CPED1: variants seen among roughly 807,000 people sequenced by gnomAD.
CPED1 encodes cadherin-like and PC-esterase domain-containing protein 1.
A neutral mutation model predicts 128.2 loss-of-function variants in CPED1; 114 were observed. The ratio of observed to expected loss-of-function variants is 0.89; its 90% CI spans 0.76 to 1.04. CPED1 has a LOEUF of 1.04. CPED1 is among the 50% of genes least tolerant of loss of function. CPED1 has a pLI of 0.00. For synonymous variants in CPED1, 462 were observed against 426.7 expected (o/e 1.08, Z -1.02); for missense variants, 1,211 against 1,207.1 (o/e 1.00, Z -0.05).
intron 16 of CPED1, among the ~76,000 whole-genome samples, chr7:121,210,981 A>G (rs1212344639): frequency 1.6e-5 from 2 of 123,206 alleles, no homozygotes; most frequent in African/African-American, 3.1e-5. Context: ...ATTAAAACAC[A>G]TAATAAAGAA....
rs150303195 is a variant in CPED1, at chr7:121,125,059, G to A, written c.1061+586G>A. 2.7e-3 allele frequency among the ~76,000 whole-genome samples: 415 copies of A among 152,092 alleles called. 10 individuals carry two copies. Among genetic ancestry groups the A allele is most frequent in the Admixed American group, 0.025 (375 of 15,246 alleles). On this transcript the variant is annotated intron_variant, in intron 8 of 22. Transcript: ENST00000310396. ...TAGGAGTAGGAGAGTTTTCTTCTTCGTATTTAGGTTTCCATGGATTAACTT... is the reference window on the plus strand; with the variant it reads ...TAGGAGTAGGAGAGTTTTCTTCTTCATATTTAGGTTTCCATGGATTAACTT...
At chr7:121,267,719 A>G (rs759569073) in intron 21 of CPED1, among the ~76,000 whole-genome samples, 8 of 152,046 alleles carry the variant, frequency 5.3e-5, no homozygotes, top group Non-Finnish European at 1.2e-4. Context: ...AGCACTAAAT[A>G]GAAGTCTCAG....
chr7:121,214,867 C>T (rs1194836713), intron 16 of CPED1, among the ~76,000 whole-genome samples: 1 of 151,966 alleles, frequency 6.6e-6, no homozygotes, highest in African/African-American at 2.4e-5. Flanking sequence ...AGCATGTGAT[C>T]AGTGAGTAAT....
At chr7:120,993,045 C>A (rs1391627154) in intron 2 of CPED1, among the ~76,000 whole-genome samples, 2 of 152,170 alleles carry the variant, frequency 1.3e-5, no homozygotes, top group Non-Finnish European at 2.9e-5. Flanking sequence ...AAGGGCTTGG[C>A]TAAGCAGATG....
chr7:121,199,025 C>G (rs1797329578), intron 16 of CPED1, among the ~76,000 whole-genome samples: 1 of 152,174 alleles, frequency 6.6e-6, no homozygotes, highest in South Asian at 2.1e-4. Flanking sequence ...AATAACTCTA[C>G]AGTCTATGAG....
At chr7:121,212,869 T>C (rs1797678094) in intron 16 of CPED1, among the ~76,000 whole-genome samples, 1 of 152,052 alleles carries the variant, frequency 6.6e-6, no homozygotes, top group Non-Finnish European at 1.5e-5. Flanking sequence ...TTATTTTAAA[T>C]CTTTAGTTAA....
intron 3 of CPED1, among the ~76,000 whole-genome samples, chr7:121,036,508 T>TATATATATA (rs561110849): frequency 2.6e-4 from 34 of 130,606 alleles, no homozygotes; most frequent in African/African-American, 9.8e-4. Context: ...TATATATATA[T>TATATATATA]TTTTTTTTTC....
intron 5 of CPED1, among the ~76,000 whole-genome samples, chr7:121,070,722 A>G (rs1446717096): frequency 6.6e-6 from 1 of 152,016 alleles, no homozygotes; most frequent in Non-Finnish European, 1.5e-5. Flanking sequence ...ACTTTTCTCC[A>G]TCTCTACCAT....
intron 16 of CPED1, among the ~76,000 whole-genome samples, chr7:121,161,417 A>G (rs1441197770): frequency 6.6e-6 from 1 of 152,132 alleles, no homozygotes; most frequent in East Asian, 1.9e-4. Flanking sequence ...TAAGCCAGCA[A>G]TGGGGACTCT....
chr7:121,180,941 T>G (rs1183132240), intron 16 of CPED1, among the ~76,000 whole-genome samples: 1 of 152,062 alleles, frequency 6.6e-6, no homozygotes, highest in Non-Finnish European at 1.5e-5. Flanking sequence ...GGGTTGAAAC[T>G]GTGACTGTAT....
intron 16 of CPED1, among the ~76,000 whole-genome samples, chr7:121,148,666 A>T (rs1023336332): frequency 2.0e-5 from 3 of 152,162 alleles, no homozygotes; most frequent in African/African-American, 7.2e-5. Context: ...AAGAGAGATG[A>T]GAAGAATTGA....
intron 5 of CPED1, among the ~76,000 whole-genome samples, chr7:121,066,338 C>T (rs1793830978): frequency 6.6e-6 from 1 of 151,890 alleles, no homozygotes; most frequent in Non-Finnish European, 1.5e-5. Context: ...TTTTAATCCA[C>T]AAAGTGGGGT....
intron 11 of CPED1, 54 bp downstream of exon 11, chr7:121,128,540 C>A: frequency 1.1e-6 from 1 of 898,714 alleles, no homozygotes; most frequent in Non-Finnish European, 1.9e-6. Flanking sequence ...TAGAGTAGAT[C>A]ACTGTAAGCT....
chr7:121,184,122 C>G (rs1459346837), intron 16 of CPED1, among the ~76,000 whole-genome samples: 1 of 147,304 alleles, frequency 6.8e-6, no homozygotes, highest in East Asian at 2.1e-4. Flanking sequence ...GCCTGGGTGA[C>G]AGAGCGAGAC....
In CPED1 at chr7:121,262,500, T is replaced by C. The variant is rs575040076; in HGVS notation, c.2311-3727T>C. Reference sequence around the variant, plus strand: ...TGCATGCAGAGTCATGGGAGTAGAATAGATGCAAAACTCTTCTAAACATGT... The same window carrying C: ...TGCATGCAGAGTCATGGGAGTAGAACAGATGCAAAACTCTTCTAAACATGT... On this transcript the variant is annotated intron_variant, in intron 18 of 22. Transcript: ENST00000310396. Among the ~76,000 whole-genome samples the C allele has an allele frequency of 2.7e-5, 4 of 149,806 alleles. No homozygotes were observed. The East Asian group carries it at 7.7e-4, about 29-fold the overall frequency.
intron 18 of CPED1, among the ~76,000 whole-genome samples, chr7:121,248,611 A>T (rs1162062785): frequency 1.3e-5 from 2 of 151,910 alleles, no homozygotes; most frequent in African/African-American, 2.4e-5. Flanking sequence ...AAAAAAAAAA[A>T]AAGCATTAAG....
chr7:121,178,122 C>G (rs887308091), intron 16 of CPED1, among the ~76,000 whole-genome samples: 1 of 152,024 alleles, frequency 6.6e-6, no homozygotes, highest in African/African-American at 2.4e-5. Flanking sequence ...GAGAGGACCT[C>G]ACCCTCACTT....
At chr7:121,064,625 C>T (rs1010616711) in intron 5 of CPED1, among the ~76,000 whole-genome samples, 1 of 152,128 alleles carries the variant, frequency 6.6e-6, no homozygotes, top group Non-Finnish European at 1.5e-5. Flanking sequence ...CAGTAGTTCT[C>T]AGTTATGTAA....
At chr7:121,050,844 T>C (rs1793330974) in intron 4 of CPED1, 3 of 466,994 alleles carry the variant, frequency 6.4e-6, no homozygotes, top group Non-Finnish European at 1.3e-5. Flanking sequence ...GCAGCCCAGC[T>C]TCGCGAAGGC....
Sources: allele counts gnomAD v4.1 joint callset (sites outside exome capture counted in the v4.1 genomes callset), GRCh38; gene constraint gnomAD v4.1.1; transcripts MANE v1.5; gene names NCBI Gene and HGNC (gene_info 2026-07-23, HGNC 2026-07-21).